The following ZC3H7A variants were observed in gnomAD, a reference collection of about 807,000 sequenced individuals.
The protein encoded by ZC3H7A is zinc finger CCCH-type containing 7A.
In ZC3H7A, 44 loss-of-function variants were observed where a neutral mutation model predicts 125.5. The ratio of observed to expected loss-of-function variants is 0.35; its 90% confidence interval spans 0.28 to 0.45. The LOEUF (loss-of-function observed/expected upper bound fraction) is 0.45. ZC3H7A is among the 20% of genes least tolerant of loss of function. The pLI is 1.00. For missense variants in ZC3H7A, 977 were observed against 1,170.7 expected, an observed-to-expected ratio of 0.83 and a Z score of 2.41; for synonymous variants, 399 against 391.2, an observed-to-expected ratio of 1.02 and a Z score of -0.23.
rs373790012 is a variant in ZC3H7A, at chr16:11,774,266, A to G, written c.873T>C (p.Asp291=). 1.8e-4 allele frequency: 293 copies of G among 1,606,188 alleles called. 1 individual carries two copies. The highest frequency in any genetic ancestry group is 2.4e-4 in the Non-Finnish European group (283 of 1,174,650). ...VLGDELDDLL[D]SAPETNETVM... ...CAGTTTCATTAGTTTCAGGTGCAGA[A>G]TCAAGCAGGTCATCTAGTTCATCTC... The change falls in exon 9 of 23, where the codon GAT becomes GAC. Residue 291 remains aspartate, a synonymous_variant. Transcript: ENST00000355758.
chr16:11,795,889 A>G (rs920644130), intron 1 of ZC3H7A, among the ~76,000 whole-genome samples: 3 of 152,074 alleles, frequency 2.0e-5, no homozygotes, highest in Non-Finnish European at 4.4e-5. Context: ...CGAAGCCTCA[A>G]TCTCCTGGGC....
intron 1 of ZC3H7A, among the ~76,000 whole-genome samples, chr16:11,787,003 C>G (rs2053266181): frequency 6.6e-6 from 1 of 152,128 alleles, no homozygotes; most frequent in Admixed American, 6.6e-5. Context: ...ACACGCAAAT[C>G]TTAATGTGAG....
rs115230661 is a variant in ZC3H7A, at chr16:11,795,928, G to C, written c.-35+1196C>G. 4.2e-3 allele frequency among the ~76,000 whole-genome samples: 645 copies of C among 152,116 alleles called. 3 individuals are homozygous for C. The highest frequency in any genetic ancestry group is 0.014 in the African/African-American group (578 of 41,484). On this transcript the variant is annotated intron_variant, in intron 1 of 22. Coordinates refer to ENST00000355758, the MANE Select transcript of ZC3H7A (RefSeq NM_014153.4). Reference sequence around the variant, plus strand: ...AGGGATTCTCCCACCCCAGCCTTCCGAGTAGCAGATTCTCCCACCTCAGCT... The same window carrying C: ...AGGGATTCTCCCACCCCAGCCTTCCCAGTAGCAGATTCTCCCACCTCAGCT...
chr16:11,777,015 C>T, intron 4 of ZC3H7A, 106 bp from the exon 5 acceptor site: 1 of 806,060 alleles, frequency 1.2e-6, no homozygotes, highest in South Asian at 2.7e-5. Context: ...TATTACCCTC[C>T]CTCTAAACTC....
At chr16:11,796,346 T>C (rs1209507428) in intron 1 of ZC3H7A, 1 of 152,220 alleles carries the variant, frequency 6.6e-6, no homozygotes, top group Non-Finnish European at 1.5e-5. Context: ...GGGGGGTCAG[T>C]GGCCACCGTA....
At position 11,765,191 on chromosome 16, in the gene ZC3H7A, A is replaced by T; in HGVS notation, c.1720-38T>A. 7.6e-7 allele frequency: 1 copy of T among 1,316,052 alleles called. No homozygotes were observed. Among genetic ancestry groups the T allele is most frequent in the Non-Finnish European group, 1.0e-6 (1 of 962,474 alleles). The allele number at this position is 1,316,052 out of a possible 1,614,324, so 81.5% of individuals were successfully genotyped here. On this transcript the variant is annotated intron_variant, in intron 14 of 22. Coordinates refer to ENST00000355758, the MANE Select transcript of ZC3H7A (RefSeq NM_014153.4). The surrounding 1 kb of genome is among the most constrained non-coding windows in gnomAD (Gnocchi z 4.8). ...GAGAAAGATTATCAAAAAAAATACAAAATATAAATTTTGTACCCAGAATAT... is the reference window on the plus strand; with the variant it reads ...GAGAAAGATTATCAAAAAAAATACATAATATAAATTTTGTACCCAGAATAT...
At chr16:11,791,213 A>G (rs2053346136) in intron 1 of ZC3H7A, among the ~76,000 whole-genome samples, 1 of 151,544 alleles carries the variant, frequency 6.6e-6, no homozygotes, top group Non-Finnish European at 1.5e-5. Context: ...ACGGTGACCT[A>G]GCAGACCCCC....
At chr16:11,791,205 G>A (rs1209505417) in intron 1 of ZC3H7A, among the ~76,000 whole-genome samples, 1 of 151,308 alleles carries the variant, frequency 6.6e-6, no homozygotes, top group South Asian at 2.1e-4. Context: ...GCCTCCGTAC[G>A]GTGACCTAGC....
intron 12 of ZC3H7A, among the ~76,000 whole-genome samples, chr16:11,768,113 A>G (rs190786337): frequency 6.6e-6 from 1 of 152,318 alleles, no homozygotes; most frequent in Admixed American, 6.5e-5. Flanking sequence ...AAATAAAATG[A>G]CATCAAATAA....
intron 1 of ZC3H7A, among the ~76,000 whole-genome samples, chr16:11,783,712 G>A (rs552847113): frequency 6.6e-6 from 1 of 152,184 alleles, no homozygotes; most frequent in Non-Finnish European, 1.5e-5. Flanking sequence ...TTCCACTCAT[G>A]TTTGAAGTAC....
intron 22 of ZC3H7A, among the ~76,000 whole-genome samples, 187 bp from the exon 23 acceptor site, chr16:11,751,693 T>C (rs1388446162): frequency 1.3e-5 from 2 of 152,150 alleles, no homozygotes; most frequent in Admixed American, 6.5e-5. Context: ...GTACTTTATT[T>C]AAATATACTC....
intron 19 of ZC3H7A, chr16:11,759,050 G>C (rs1439078763): frequency 6.5e-6 from 1 of 153,090 alleles, no homozygotes; most frequent in Non-Finnish European, 1.5e-5. Flanking sequence ...ATTATCAGAA[G>C]ACAATTATCA....
At chr16:11,786,624 A>T (rs1022526297) in intron 1 of ZC3H7A, among the ~76,000 whole-genome samples, 9 of 152,340 alleles carry the variant, frequency 5.9e-5, no homozygotes, top group Admixed American at 5.2e-4. Flanking sequence ...TTTTTAATGC[A>T]CAAAATACAC....
intron 21 of ZC3H7A, among the ~76,000 whole-genome samples, chr16:11,754,302 A>C (rs2052600176): frequency 1.0e-5 from 1 of 95,386 alleles, no homozygotes; most frequent in South Asian, 4.5e-4. Flanking sequence ...AAAAAAAAAA[A>C]AAAAAAGGAA....
chr16:11,774,616 A>C (rs1473401973), intron 8 of ZC3H7A, 97 bp from the exon 9 acceptor site: 1 of 1,323,448 alleles, frequency 7.6e-7, no homozygotes, highest in Non-Finnish European at 1.0e-6. Flanking sequence ...TGAAAATATG[A>C]AGGCAATTAT....
chr16:11,769,710 C>CAAAAAAAAAAAA lies in ZC3H7A; in HGVS notation c.1109-627_1109-616dup, dbSNP rs529124830. On this transcript the variant is annotated intron_variant, in intron 10 of 22. Coordinates refer to ENST00000355758, the MANE Select transcript of ZC3H7A (RefSeq NM_014153.4). ...TGGGCAACAGAGTGAGACTCTGTCT[C>CAAAAAAAAAAAA]AAAAAAAAAAAAAAAAAAAGCAGGA... Among the ~76,000 whole-genome samples, 14 of 32,540 alleles carry CAAAAAAAAAAAA rather than the reference C, an allele frequency of 4.3e-4. 1 individual carries two copies. The highest frequency in any genetic ancestry group is 1.5e-3 in the African/African-American group (8 of 5,326). The allele number at this position is 32,540 out of a possible 152,430, so 21.3% of individuals were successfully genotyped here.
chr16:11,753,228 G>A lies in ZC3H7A; in HGVS notation c.2563-396C>T, dbSNP rs2052580867. On this transcript the variant is annotated intron_variant, in intron 21 of 22. Coordinates refer to ENST00000355758, the MANE Select transcript of ZC3H7A (RefSeq NM_014153.4). ...CAGCTCCCTTCAGTGTACGTGAACT[G>A]AGCCACTGCTGTGGCATCAGGAATT... is the stretch of plus-strand genomic sequence containing the variant. 2.2e-5 allele frequency: 4 copies of A among 180,468 alleles called. No homozygotes were observed. In the Admixed American group the frequency reaches 2.3e-4, roughly 10 times the overall value. The allele number at this position is 180,468 out of a possible 1,614,324, so 11.2% of individuals were successfully genotyped here.
At chr16:11,790,787 C>G (rs992972814) in intron 1 of ZC3H7A, among the ~76,000 whole-genome samples, 1 of 151,946 alleles carries the variant, frequency 6.6e-6, no homozygotes, top group African/African-American at 2.4e-5. Context: ...GATCTGCCCA[C>G]CTCGGTCTCT....
At chr16:11,766,520 T>C (rs1443445327) in intron 13 of ZC3H7A, among the ~76,000 whole-genome samples, 1 of 152,202 alleles carries the variant, frequency 6.6e-6, no homozygotes, top group East Asian at 1.9e-4. Context: ...GAGCCGAGAT[T>C]GTGCCTGTGC....
Sources: gnomAD v4.1 joint callset for allele counts (sites outside exome capture counted in the v4.1 genomes callset) on GRCh38, gnomAD v4.1.1 for gene constraint, Gnocchi (gnomAD v3.1) non-coding constraint, MANE v1.5 for transcripts, NCBI Gene and HGNC (gene_info 2026-07-23, HGNC 2026-07-21) for gene names.